Variants in SOX13 observed in about 807,000 individuals in gnomAD.
SOX13 encodes SRY-box transcription factor 13.
In SOX13, 28 loss-of-function variants were observed where a neutral mutation model predicts 71.8. The ratio of observed to expected loss-of-function variants is 0.39; its 90% CI spans 0.29 to 0.53. SOX13 has a LOEUF of 0.53. Among genes scored for constraint, SOX13 ranks in the 20% least tolerant of loss-of-function variants. SOX13 has a pLI of 0.70. For missense variants in SOX13, 627 were observed against 810.3 expected, an observed-to-expected ratio of 0.77 and a Z score of 2.75; for synonymous variants, 309 against 317.8, an observed-to-expected ratio of 0.97 and a Z score of 0.29.
intron 1 of SOX13, among the ~76,000 whole-genome samples, chr1:204,080,907 T>A (rs1199739390): frequency 8.7e-6 from 1 of 114,646 alleles, no homozygotes; most frequent in Admixed American, 8.4e-5. Flanking sequence ...CTTTGTTGAC[T>A]TTTTTTTTTT....
At chr1:204,107,593 T>C (rs1270341920) in intron 1 of SOX13, among the ~76,000 whole-genome samples, 1 of 151,988 alleles carries the variant, frequency 6.6e-6, no homozygotes, top group African/African-American at 2.4e-5. Flanking sequence ...GGGGCTTGGT[T>C]CCCTCAAGAC....
chr1:204,114,625 G>A lies in SOX13; in HGVS notation c.418+20G>A, dbSNP rs562178721. 6.3e-7 allele frequency: 1 copy of A among 1,583,106 alleles called. No individual in the cohort carries two copies. The highest frequency in any genetic ancestry group is 8.7e-7 in the Non-Finnish European group (1 of 1,151,852). ...TCAAAGGTGAAGGCCTGTTGGGGGT[G>A]GGGGAGATGTTTGAACCCCATCTCT... On this transcript the variant is annotated intron_variant, in intron 4 of 13. Transcript: ENST00000367204.
intron 1 of SOX13, among the ~76,000 whole-genome samples, chr1:204,091,896 G>A (rs1403630037): frequency 1.3e-5 from 2 of 151,994 alleles, no homozygotes; most frequent in Admixed American, 6.6e-5. Context: ...TCTTAGCTTT[G>A]GCTCTTTCTT....
chr1:204,098,204 A>G (rs1656292920), intron 1 of SOX13, among the ~76,000 whole-genome samples: 1 of 152,162 alleles, frequency 6.6e-6, no homozygotes, highest in African/African-American at 2.4e-5. Context: ...TTGGCTGAAC[A>G]CGGTGGCTCA....
Position 204,081,869 on chromosome 1 carries a change from A to C in SOX13, c.-2+8158A>C. ...CTGGCCTGTTCCATGAGGGTGGGGT[A>C]GGGTGGGGAAAGAAGGGGGAATAAA... On this transcript the variant is annotated intron_variant, in intron 1 of 13. Transcript: ENST00000367204. The surrounding 1 kb of genome is among the most constrained non-coding windows in gnomAD (Gnocchi z 4.3). Among the ~76,000 whole-genome samples, 2 of 141,628 alleles carry C rather than the reference A, an allele frequency of 1.4e-5. No homozygotes were observed. Among genetic ancestry groups the C allele is most frequent in the Admixed American group, 6.9e-5 (1 of 14,430 alleles). 92.9% of individuals were successfully genotyped at this position (141,628 alleles called of 152,430 possible). A position where few individuals can be genotyped will look rare whatever the true frequency, so the allele number is the denominator to read the frequency against.
At chr1:204,106,823 C>T (rs1053874827) in intron 1 of SOX13, among the ~76,000 whole-genome samples, 2 of 151,944 alleles carry the variant, frequency 1.3e-5, no homozygotes, top group African/African-American at 4.8e-5. Flanking sequence ...ATAAATTAAG[C>T]GTGTAAAGGT....
Position 204,098,472 on chromosome 1 carries a change from C to CA in SOX13, c.-1-14429dup, listed in dbSNP as rs565698884. On this transcript the variant is annotated intron_variant, in intron 1 of 13. Coordinates refer to ENST00000367204, the MANE Select transcript of SOX13 (RefSeq NM_005686.3). ...CCAGCCTGGGTGACAGAGCGAGACTCAAAAAAAAAAAAAATTTTGTTGTTG... is the reference window on the plus strand; with the variant it reads ...CCAGCCTGGGTGACAGAGCGAGACTCAAAAAAAAAAAAAAATTTTGTTGTTG... Among the ~76,000 whole-genome samples the CA allele has an allele frequency of 2.9e-3, 404 of 138,210 alleles. 2 individuals are homozygous for CA. Among genetic ancestry groups the CA allele is most frequent in the African/African-American group, 6.3e-3 (236 of 37,568 alleles). 90.7% of individuals were successfully genotyped at this position (138,210 alleles called of 152,430 possible).
intron 1 of SOX13, among the ~76,000 whole-genome samples, chr1:204,089,884 A>G (rs946248803): frequency 3.2e-4 from 49 of 152,076 alleles, no homozygotes; most frequent in Non-Finnish European, 1.5e-4. Flanking sequence ...TCTCTTCCCA[A>G]CTGTGGCTTT....
At chr1:204,124,595 C>A in intron 12 of SOX13, 46 bp from the exon 13 acceptor site, 1 of 1,528,484 alleles carries the variant, frequency 6.5e-7, no homozygotes, top group South Asian at 1.2e-5. Flanking sequence ...TGGGGGTGGT[C>A]AGCAGAGCCC....
At chr1:204,077,075 C>T (rs1384872578) in intron 1 of SOX13, among the ~76,000 whole-genome samples, 1 of 152,232 alleles carries the variant, frequency 6.6e-6, no homozygotes, top group Non-Finnish European at 1.5e-5. Flanking sequence ...CCAGTGAAGG[C>T]CACCCTGGGG....
At chr1:204,076,117 A>G (rs963549394) in intron 1 of SOX13, among the ~76,000 whole-genome samples, 96 of 152,194 alleles carry the variant, frequency 6.3e-4, no homozygotes, top group Admixed American at 1.7e-3. Context: ...AACTTTTGTG[A>G]AAGCATTTCA....
intron 1 of SOX13, among the ~76,000 whole-genome samples, chr1:204,087,309 A>G (rs1656045176): frequency 6.6e-6 from 1 of 152,182 alleles, no homozygotes; most frequent in African/African-American, 2.4e-5. Flanking sequence ...GAGGCCTAGG[A>G]CTGCTCGCCT....
Position 204,123,607 on chromosome 1 carries a change from G to T in SOX13, c.1232-54G>T. On this transcript the variant is annotated intron_variant, in intron 11 of 13. Coordinates refer to ENST00000367204, the MANE Select transcript of SOX13 (RefSeq NM_005686.3). The surrounding 1 kb of genome is among the most constrained non-coding windows in gnomAD (Gnocchi z 5.0). ...GGGACGTCTCTCTGCTGGCCCTGGG[G>T]CACTCTCCTGACCCCAGACAGGCTG... The T allele has an allele frequency of 1.3e-6, 2 of 1,582,246 alleles. No individual in the cohort carries two copies. The highest frequency in any genetic ancestry group is 1.7e-6 in the Non-Finnish European group (2 of 1,161,170).
At chr1:204,079,486 C>T (rs1471306215) in intron 1 of SOX13, among the ~76,000 whole-genome samples, 1 of 151,636 alleles carries the variant, frequency 6.6e-6, no homozygotes, top group African/African-American at 2.4e-5. Flanking sequence ...GCTGGGATTA[C>T]AGGCATGCGC....
chr1:204,122,417 T>A lies in SOX13; in HGVS notation c.1024+18T>A. On this transcript the variant is annotated intron_variant, in intron 9 of 13. Coordinates refer to ENST00000367204, the MANE Select transcript of SOX13 (RefSeq NM_005686.3). ...GCCTCTGGGTAAGCCTCCTGCTGCC[T>A]GCACTTGTCCCTCAGCCCTCTTAGG... is the stretch of plus-strand genomic sequence containing the variant. 1 of 1,561,954 alleles carries A rather than the reference T, an allele frequency of 6.4e-7. No individual in the cohort carries two copies. The highest frequency in any genetic ancestry group is 8.7e-7 in the Non-Finnish European group (1 of 1,153,488).
chr1:204,126,282 C>G lies in SOX13; in HGVS notation c.*148C>G, dbSNP rs920862590. 6.9e-6 allele frequency: 6 copies of G among 875,722 alleles called. No homozygotes were observed. Among genetic ancestry groups the G allele is most frequent in the African/African-American group, 1.7e-5 (1 of 59,656 alleles). The allele number at this position is 875,722 out of a possible 1,614,324, so 54.2% of individuals were successfully genotyped here. A position where few individuals can be genotyped will look rare whatever the true frequency, so the allele number is the denominator to read the frequency against. On this transcript the variant is annotated 3_prime_UTR_variant, in exon 14 of 14. Coordinates refer to ENST00000367204, the MANE Select transcript of SOX13 (RefSeq NM_005686.3). ...AAAGCTGTGCACTTGCAGATACATTCATGAGGGGAGAGGCGCCCTCCCTTC... is the reference window on the plus strand; with the variant it reads ...AAAGCTGTGCACTTGCAGATACATTGATGAGGGGAGAGGCGCCCTCCCTTC...
chr1:204,124,105 T>C (rs970532399), intron 12 of SOX13, among the ~76,000 whole-genome samples: 1 of 152,240 alleles, frequency 6.6e-6, no homozygotes, highest in Admixed American at 6.5e-5. Flanking sequence ...ACCCTTGCTC[T>C]GGCAGAAAAC....
chr1:204,124,866 G>GCC lies in SOX13; in HGVS notation c.1592+15_1592+16dup. 2 of 1,550,590 alleles carry GCC rather than the reference G, an allele frequency of 1.3e-6. No homozygotes were observed. Among genetic ancestry groups the GCC allele is most frequent in the Admixed American group, 1.9e-5 (1 of 51,674 alleles). Reference sequence around the variant, plus strand: ...CAGAGCTACGTGATCCCGTGAGCAGGCCCCCCCGCAGGCAGCCAGGAGACT... The same window carrying GCC: ...CAGAGCTACGTGATCCCGTGAGCAGGCCCCCCCCCGCAGGCAGCCAGGAGACT... On this transcript the variant is annotated intron_variant, in intron 13 of 13. Coordinates refer to ENST00000367204, the MANE Select transcript of SOX13 (RefSeq NM_005686.3).
Position 204,126,158 on chromosome 1 carries a change from C to T in SOX13, c.*24C>T, listed in dbSNP as rs781320195. On this transcript the variant is annotated 3_prime_UTR_variant, in exon 14 of 14. Transcript: ENST00000367204. ...GATCCCGGCTGGGTGGGCCTGGCCC[C>T]TTCTCCTCTGGGGAAGACCTTGTCC... The T allele has an allele frequency of 1.4e-5, 23 of 1,607,298 alleles. 3 individuals carry two copies. In the Admixed American group the frequency reaches 3.3e-4, roughly 23 times the overall value.
Sources: gnomAD v4.1 joint callset for allele counts (sites outside exome capture counted in the v4.1 genomes callset) on GRCh38, gnomAD v4.1.1 for gene constraint, Gnocchi (gnomAD v3.1) non-coding constraint, MANE v1.5 for transcripts, NCBI Gene and HGNC (gene_info 2026-07-23, HGNC 2026-07-21) for gene names.